Variants in ADGRV1 observed in about 807,000 individuals in gnomAD.
ADGRV1 encodes the protein adhesion G protein-coupled receptor V1, also known as G-protein coupled receptor 98.
ADGRV1 carries 359 observed loss-of-function variants against 596.2 expected under a neutral mutation model. That is an observed-to-expected ratio of 0.60 (90% CI 0.55 to 0.66). The LOEUF is 0.66. Among genes scored for constraint, ADGRV1 ranks in the 30% least tolerant of loss-of-function variants. ADGRV1 has a pLI of 0.00. For missense variants in ADGRV1, 7,274 were observed against 7,575.6 expected, an observed-to-expected ratio of 0.96 and a Z score of 1.48; for synonymous variants, 2,681 against 2,679.2, an observed-to-expected ratio of 1.00 and a Z score of -0.02.
intron 85 of ADGRV1, among the ~76,000 whole-genome samples, chr5:91,029,048 C>CT (rs1784267966): frequency 1.3e-5 from 2 of 152,022 alleles, no homozygotes. Context: ...AACATTAGAA[C>CT]TTTTTTCTTT....
chr5:90,944,093 C>T (rs1312024339), intron 83 of ADGRV1, among the ~76,000 whole-genome samples: 2 of 151,980 alleles, frequency 1.3e-5, no homozygotes, highest in Non-Finnish European at 2.9e-5. Flanking sequence ...GCTTTAAGTC[C>T]ATTTTATTCA....
chr5:90,830,760 T>C (rs1764455353), intron 77 of ADGRV1, among the ~76,000 whole-genome samples: 1 of 152,156 alleles, frequency 6.6e-6, no homozygotes, highest in Non-Finnish European at 1.5e-5. Context: ...GACCACAGAG[T>C]ACCCATATAT....
chr5:91,055,797 T>C (rs556707299), intron 85 of ADGRV1, among the ~76,000 whole-genome samples: 1 of 152,248 alleles, frequency 6.6e-6, no homozygotes, highest in Non-Finnish European at 1.5e-5. Context: ...ACAGAATCTT[T>C]AAGCAAGTCT....
chr5:90,737,375 C>A (rs1374460134), intron 50 of ADGRV1, among the ~76,000 whole-genome samples: 1 of 151,860 alleles, frequency 6.6e-6, no homozygotes, highest in Admixed American at 6.6e-5. Context: ...GAAGAATGTT[C>A]TGTTTGCTTG....
chr5:90,747,756 GC>G (rs1196373029), intron 52 of ADGRV1, among the ~76,000 whole-genome samples: 1 of 152,202 alleles, frequency 6.6e-6, no homozygotes, highest in Non-Finnish European at 1.5e-5. Context: ...GGCACTGGGA[GC>G]CACTTAATAG....
chr5:90,824,117 T>C (rs1763862261), intron 76 of ADGRV1, among the ~76,000 whole-genome samples: 1 of 141,308 alleles, frequency 7.1e-6, no homozygotes, highest in Admixed American at 6.7e-5. Flanking sequence ...CAATAACATT[T>C]CTTTCAGTAT....
intron 42 of ADGRV1, among the ~76,000 whole-genome samples, chr5:90,715,475 G>A (rs1749963669): frequency 6.6e-6 from 1 of 152,188 alleles, no homozygotes; most frequent in Non-Finnish European, 1.5e-5. Context: ...CAGGTAGAGA[G>A]AGACCACTAG....
chr5:90,949,413 T>C (rs1449085873), intron 83 of ADGRV1, among the ~76,000 whole-genome samples: 4 of 152,182 alleles, frequency 2.6e-5, no homozygotes. Flanking sequence ...CAGGTAGAAA[T>C]TGTTTTAACA....
At position 90,788,066 on chromosome 5, in the gene ADGRV1, C is replaced by T. The variant is rs367554300; in HGVS notation, c.13654-5C>T. 1,564 of 1,584,394 alleles carry T rather than the reference C, an allele frequency of 9.9e-4. 37 individuals are homozygous for T. The South Asian group carries it at 0.018, about 18-fold the overall frequency. ...AGAAATACCAAAACCAAAAACATCC[C>T]GCAGGTGAACTGGGAGACAGTAGGA... On this transcript the variant is annotated splice_polypyrimidine_tract_variant and splice_region_variant and intron_variant, in intron 67 of 89. Transcript: ENST00000405460.
chr5:91,114,478 G>A (rs2950853), intron 87 of ADGRV1, among the ~76,000 whole-genome samples: 18,830 of 152,058 alleles, frequency 0.12, 1,316 homozygotes, highest in African/African-American at 0.2. Flanking sequence ...AGTGAGCCAA[G>A]ATCACACCAC....
Position 90,799,610 on chromosome 5 carries a change from C to T in ADGRV1, c.14518-3129C>T, listed in dbSNP as rs184566744. Among the ~76,000 whole-genome samples the T allele has an allele frequency of 1.2e-4, 19 of 152,208 alleles. No homozygotes were observed. The East Asian group carries it at 1.9e-3, about 15-fold the overall frequency. Reference sequence around the variant, plus strand: ...CTTCATATGGAACCAAAAAAGAGCCCGCATTGCCAAGACAATCCTAAGCAG... The same window carrying T: ...CTTCATATGGAACCAAAAAAGAGCCTGCATTGCCAAGACAATCCTAAGCAG... On this transcript the variant is annotated intron_variant, in intron 70 of 89. Transcript: ENST00000405460.
intron 84 of ADGRV1, among the ~76,000 whole-genome samples, chr5:90,966,527 T>A (rs1367192311): frequency 6.8e-5 from 4 of 59,138 alleles, no homozygotes; most frequent in Non-Finnish European, 1.3e-4. Context: ...AGCGAAACTC[T>A]GCCAAAAAAA....
At chr5:90,597,336 T>C (rs1300414443) in intron 1 of ADGRV1, among the ~76,000 whole-genome samples, 2 of 152,232 alleles carry the variant, frequency 1.3e-5, no homozygotes, top group Non-Finnish European at 2.9e-5. Context: ...TGAATAAAAG[T>C]TGTATTCTTT....
At chr5:90,969,384 A>G (rs1449152845) in intron 84 of ADGRV1, among the ~76,000 whole-genome samples, 1 of 152,236 alleles carries the variant, frequency 6.6e-6, no homozygotes, top group Non-Finnish European at 1.5e-5. Flanking sequence ...AAAGAAGATC[A>G]TCTTCATGTA....
chr5:90,973,413 A>T (rs1000863040), intron 84 of ADGRV1, among the ~76,000 whole-genome samples: 1 of 152,234 alleles, frequency 6.6e-6, no homozygotes, highest in Non-Finnish European at 1.5e-5. Flanking sequence ...AGACAATTTT[A>T]GACCAATATC....
intron 87 of ADGRV1, among the ~76,000 whole-genome samples, chr5:91,134,835 G>A (rs1217709819): frequency 1.3e-5 from 2 of 152,054 alleles, no homozygotes; most frequent in African/African-American, 2.4e-5. Context: ...TAAAGTCAAG[G>A]TATAAATAAC....
intron 48 of ADGRV1, among the ~76,000 whole-genome samples, chr5:90,727,120 C>T (rs1327030387): frequency 6.6e-6 from 1 of 152,044 alleles, no homozygotes; most frequent in Admixed American, 6.5e-5. Context: ...TGGGGTCTGG[C>T]TCTGTGGCCC....
chr5:90,683,661 G>A lies in ADGRV1; in HGVS notation c.5740G>A (p.Ala1914Thr), dbSNP rs200965928. The A allele has an allele frequency of 8.7e-6, 14 of 1,613,482 alleles. No homozygotes were observed. Among genetic ancestry groups the A allele is most frequent in the African/African-American group, 6.7e-5 (5 of 74,978 alleles). ...NIDSDPDGDL[A>T]FTSGNITFEI... ...AGACTCTGATCCTGATGGTGATCTC[G>A]CCTTCACCTCTGGCAACATCACATT... is the stretch of plus-strand genomic sequence containing the variant. Residue 1914 changes from alanine to threonine, a missense_variant, in exon 28 of 90, where the codon GCC becomes ACC. By Grantham distance (58) the Ala-to-Thr change is moderately conservative. Around this residue, in one of 5 missense-constraint regions of ADGRV1, gnomAD observed 3,643 missense variants for 3,809.2 expected, o/e 0.96. Transcript: ENST00000405460.
In ADGRV1 at chr5:90,851,134, T is replaced by TGTGTGTGTGTGTGAGAGAGAGAGAGAGA. The variant is rs757909771; in HGVS notation, c.17205-2149_17205-2148insTGTGTGTGTGTGAGAGAGAGAGAGAGAG. Reference sequence around the variant, plus strand: ...GTGTGTGTGTGTGTGTGTGTGTGTGTGAGAGAGAGAGAGAGAGAGAGAGAG... The same window carrying TGTGTGTGTGTGTGAGAGAGAGAGAGAGA: ...GTGTGTGTGTGTGTGTGTGTGTGTGTGTGTGTGTGTGTGAGAGAGAGAGAGAGAGAGAGAGAGAGAGAGAGAGAGAGAG... On this transcript the variant is annotated intron_variant, in intron 79 of 89. Transcript: ENST00000405460. 1.3e-3 allele frequency among the ~76,000 whole-genome samples: 104 copies of TGTGTGTGTGTGTGAGAGAGAGAGAGAGA among 81,468 alleles called. 1 individual carries two copies. The highest frequency in any genetic ancestry group is 1.9e-3 in the Non-Finnish European group (72 of 37,914). The allele number at this position is 81,468 out of a possible 152,430, so 53.4% of individuals were successfully genotyped here. A position where few individuals can be genotyped will look rare whatever the true frequency, so the allele number is the denominator to read the frequency against.
Sources: gnomAD v4.1 joint callset for allele counts (sites outside exome capture counted in the v4.1 genomes callset) on GRCh38, gnomAD v4.1.1 for gene constraint, gnomAD v4.1.1 regional missense constraint, MANE v1.5 for transcripts, NCBI Gene and HGNC (gene_info 2026-07-23, HGNC 2026-07-21) for gene names.